The following DLG2 variants were observed in gnomAD, a reference collection of about 807,000 sequenced individuals.
The protein encoded by DLG2 is disks large homolog 2.
Under a neutral mutation model 132.5 loss-of-function variants are expected in DLG2, and 45 were observed. That is an observed-to-expected ratio of 0.34 (90% confidence interval 0.27 to 0.44). DLG2 has a LOEUF of 0.44. Among genes scored for constraint, DLG2 ranks in the 20% least tolerant of loss-of-function variants. The probability of loss-of-function intolerance (pLI) is 1.00; values close to 1 mark genes in which losing one functional copy is unlikely to be tolerated. For synonymous variants in DLG2, 424 were observed against 419.6 expected, an observed-to-expected ratio of 1.01 and a Z score of -0.13; for missense variants, 1,045 against 1,196.9, an observed-to-expected ratio of 0.87 and a Z score of 1.87.
At chr11:83,644,119 T>C (rs1291220350) in intron 18 of DLG2, among the ~76,000 whole-genome samples, 3 of 152,124 alleles carry the variant, frequency 2.0e-5, no homozygotes, top group Admixed American at 6.6e-5. Flanking sequence ...ATACGACAGG[T>C]CTTTCCTTCA....
chr11:84,391,025 T>C (rs1446679345), intron 7 of DLG2, among the ~76,000 whole-genome samples: 1 of 152,146 alleles, frequency 6.6e-6, no homozygotes, highest in South Asian at 2.1e-4. Context: ...TCCTATCTCA[T>C]TGATTAACTG....
chr11:84,043,413 C>T (rs1415029376), intron 11 of DLG2, among the ~76,000 whole-genome samples: 2 of 151,344 alleles, frequency 1.3e-5, no homozygotes, highest in African/African-American at 4.8e-5. Flanking sequence ...TTCTGAGGTA[C>T]GTGTGCAGGT....
intron 7 of DLG2, among the ~76,000 whole-genome samples, chr11:84,346,231 T>C (rs755785909): frequency 3.3e-5 from 5 of 152,208 alleles, no homozygotes; most frequent in Non-Finnish European, 7.4e-5. Flanking sequence ...ACCATTCCTT[T>C]CTATGGCTAA....
At chr11:84,984,507 A>T (rs560997691) in intron 6 of DLG2, among the ~76,000 whole-genome samples, 3 of 152,008 alleles carry the variant, frequency 2.0e-5, no homozygotes, top group African/African-American at 7.3e-5. Flanking sequence ...CAAATCCTGG[A>T]AACACATCAA....
intron 16 of DLG2, among the ~76,000 whole-genome samples, chr11:83,866,730 T>C (rs2062457812): frequency 6.6e-6 from 1 of 152,150 alleles, no homozygotes. Context: ...AACTCAACTA[T>C]GTCCAGAAAA....
chr11:84,566,115 C>T (rs183619551), intron 6 of DLG2, among the ~76,000 whole-genome samples: 199 of 151,978 alleles, frequency 1.3e-3, no homozygotes, highest in African/African-American at 4.5e-3. Context: ...CACTCAACCA[C>T]GCCCAGCTAA....
intron 10 of DLG2, among the ~76,000 whole-genome samples, chr11:84,093,777 G>T (rs186555971): frequency 6.6e-6 from 1 of 151,530 alleles, no homozygotes; most frequent in Non-Finnish European, 1.5e-5. Flanking sequence ...ACAACACCCC[G>T]CTAATTTTTG....
intron 3 of DLG2, among the ~76,000 whole-genome samples, chr11:85,488,505 C>T (rs1244910077): frequency 6.6e-6 from 1 of 152,168 alleles, no homozygotes; most frequent in Non-Finnish European, 1.5e-5. Flanking sequence ...AATTAAACCT[C>T]TTTTTCTTCC....
At chr11:85,003,650 G>T (rs1202540463) in intron 6 of DLG2, among the ~76,000 whole-genome samples, 1 of 152,004 alleles carries the variant, frequency 6.6e-6, no homozygotes, top group African/African-American at 2.4e-5. Flanking sequence ...ACCTTCTTTT[G>T]TTCAACAGAT....
chr11:84,700,153 T>C (rs1595998735), intron 6 of DLG2, among the ~76,000 whole-genome samples: 1 of 151,624 alleles, frequency 6.6e-6, no homozygotes, highest in Admixed American at 6.6e-5. Context: ...AGAACTTGGG[T>C]GAAACCTTAC....
intron 4 of DLG2, among the ~76,000 whole-genome samples, chr11:85,184,165 G>T (rs991709892): frequency 4.0e-5 from 6 of 151,894 alleles, no homozygotes; most frequent in South Asian, 4.2e-4. Flanking sequence ...GAGCTGGAAG[G>T]GACCAGAGCA....
At chr11:83,762,656 C>T (rs2093959154) in intron 18 of DLG2, among the ~76,000 whole-genome samples, 1 of 151,846 alleles carries the variant, frequency 6.6e-6, no homozygotes, top group Non-Finnish European at 1.5e-5. Context: ...TCTCGGCTCA[C>T]TGCAAGCTCC....
intron 6 of DLG2, among the ~76,000 whole-genome samples, chr11:84,826,430 C>T (rs916987355): frequency 6.6e-5 from 10 of 151,842 alleles, no homozygotes; most frequent in Non-Finnish European, 1.5e-4. Context: ...TCTAGGAGAG[C>T]CTCGGAGGCA....
intron 3 of DLG2, among the ~76,000 whole-genome samples, chr11:85,467,321 C>T (rs1438554255): frequency 6.6e-6 from 1 of 152,126 alleles, no homozygotes; most frequent in African/African-American, 2.4e-5. Flanking sequence ...TGCCTGATTG[C>T]CCTGGCCAGA....
Position 84,786,497 on chromosome 11 carries a change from C to T in DLG2, c.358-251766G>A, listed in dbSNP as rs141550268. Among the ~76,000 whole-genome samples, 1,445 of 152,292 alleles carry T rather than the reference C, an allele frequency of 9.5e-3. 10 individuals are homozygous for T. Among genetic ancestry groups the T allele is most frequent in the Middle Eastern group, 0.038 (11 of 292 alleles). On this transcript the variant is annotated intron_variant, in intron 6 of 27. Coordinates refer to ENST00000376104, the MANE Select transcript of DLG2 (RefSeq NM_001142699.3). Reference sequence around the variant, plus strand: ...AGCTAGAAAGAACTACTAGAAACTACAGGATGACTGATCACTTTTATAACA... The same window carrying T: ...AGCTAGAAAGAACTACTAGAAACTATAGGATGACTGATCACTTTTATAACA...
intron 6 of DLG2, among the ~76,000 whole-genome samples, chr11:84,586,878 T>C (rs1476459642): frequency 6.6e-6 from 1 of 152,184 alleles, no homozygotes; most frequent in Admixed American, 6.5e-5. Context: ...TCCAAAAAAG[T>C]ACAAAGACTT....
chr11:84,747,334 A>T (rs2065509212), intron 6 of DLG2, among the ~76,000 whole-genome samples: 1 of 152,346 alleles, frequency 6.6e-6, no homozygotes, highest in African/African-American at 2.4e-5. Flanking sequence ...CTGTATACAT[A>T]ATCAGATTGA....
chr11:84,358,719 T>G (rs1023496383), intron 7 of DLG2, among the ~76,000 whole-genome samples: 1 of 152,024 alleles, frequency 6.6e-6, no homozygotes, highest in South Asian at 2.1e-4. Context: ...TAGGACATAC[T>G]CAGTTTTATA....
intron 6 of DLG2, among the ~76,000 whole-genome samples, chr11:85,045,062 C>T (rs548881777): frequency 1.3e-5 from 2 of 152,108 alleles, no homozygotes; most frequent in East Asian, 3.9e-4. Flanking sequence ...AAAATATAAA[C>T]CAGGCATGTG....
Sources: gnomAD v4.1 joint callset for allele counts (sites outside exome capture counted in the v4.1 genomes callset) on GRCh38, gnomAD v4.1.1 for gene constraint, MANE v1.5 for transcripts, NCBI Gene and HGNC (gene_info 2026-07-23, HGNC 2026-07-21) for gene names.